BRAT1: variants seen among roughly 807,000 people sequenced by gnomAD.
The protein encoded by BRAT1 is integrator complex assembly factor BRAT1.
Under a neutral mutation model 70.6 loss-of-function variants are expected in BRAT1, and 74 were observed. That is an observed-to-expected ratio of 1.05 (90% CI 0.87 to 1.27). BRAT1 has a LOEUF of 1.27. BRAT1 is among the 50% of genes most tolerant of loss of function. The pLI is 0.00. For synonymous variants in BRAT1, 615 were observed against 517.1 expected, an observed-to-expected ratio of 1.19 and a Z score of -2.57; for missense variants, 1,203 against 1,098.2, an observed-to-expected ratio of 1.10 and a Z score of -1.35.
rs141198732 is a variant in BRAT1, at chr7:2,543,919, C to T, written c.474G>A (p.Leu158=). The change falls in exon 5 of 14, where the codon CTG becomes CTA. Residue 158 remains leucine, a synonymous_variant. Coordinates refer to ENST00000340611, the MANE Select transcript of BRAT1 (RefSeq NM_152743.4). The surrounding 1 kb of genome is among the most constrained non-coding windows in gnomAD (Gnocchi z 5.5). ...GCTGACTGGCCGCCGAGGCCACAAA[C>T]AGGCTGGAGTCTCCCTGCAGGGAGA... ...TIFSLQGDSS[L]FVASAASQLL... 4.2e-5 allele frequency: 68 copies of T among 1,604,586 alleles called. No homozygotes were observed. Among genetic ancestry groups the T allele is most frequent in the Non-Finnish European group, 5.2e-5 (61 of 1,174,166 alleles).
chr7:2,553,943 G>A (rs761963809), intron 2 of BRAT1, among the ~76,000 whole-genome samples: 2 of 151,846 alleles, frequency 1.3e-5, no homozygotes, highest in African/African-American at 2.4e-5. Flanking sequence ...CACTGCATCC[G>A]GCCCCTACTT....
In BRAT1 at chr7:2,543,251, G is replaced by A. The variant is rs113279845; in HGVS notation, c.876C>T (p.Pro292=). The A allele has an allele frequency of 3.7e-6, 6 of 1,611,226 alleles. No homozygotes were observed. The highest frequency in any genetic ancestry group is 2.2e-5 in the South Asian group (2 of 90,880). The change falls in exon 6 of 14, where the codon CCC becomes CCT. Residue 292 remains proline (P), a synonymous_variant. Coordinates refer to ENST00000340611, the MANE Select transcript of BRAT1 (RefSeq NM_152743.4). This position sits in a 1 kb window ranked among gnomAD's most constrained non-coding sequence, Gnocchi z 5.5. ...TVARALSCLG[P]THMGPLALGI... The stretch of plus-strand genomic sequence containing the variant: ...CCAAAGCCAGGGGTCCCATGTGGGT[G>A]GGACCCAGGCAGCTCAGAGCCCGCG...
In BRAT1 at chr7:2,543,239, TC is replaced by T. The variant is rs758536859; in HGVS notation, c.887del (p.Gly296AspfsTer8). 1 of 1,608,788 alleles carries T rather than the reference TC, an allele frequency of 6.2e-7. No individual in the cohort carries two copies. Among genetic ancestry groups the T allele is most frequent in the Non-Finnish European group, 8.5e-7 (1 of 1,177,768 alleles). On this transcript the variant is annotated frameshift_variant, in exon 6 of 14. Transcript: ENST00000340611. LOFTEE classifies it high-confidence loss of function. The surrounding 1 kb of genome is among the most constrained non-coding windows in gnomAD (Gnocchi z 5.5). Reference sequence around the variant, plus strand: ...GCTTCAGGATCCCCAAAGCCAGGGGTCCCATGTGGGTGGGACCCAGGCAGCT... The same window carrying T: ...GCTTCAGGATCCCCAAAGCCAGGGGTCCATGTGGGTGGGACCCAGGCAGCT... ...ALSCLGPTHM[G>X]PLALGILKLE...
chr7:2,552,409 TGCCTGGCCTTA>T (rs1780108248), intron 2 of BRAT1, among the ~76,000 whole-genome samples: 2 of 149,544 alleles, frequency 1.3e-5, no homozygotes, highest in African/African-American at 5.0e-5. Context: ...TGAACCACCG[TGCCTGGCCTTA>T]AATATATATA....
chr7:2,553,172 C>G (rs190739837), intron 2 of BRAT1, among the ~76,000 whole-genome samples: 1 of 152,080 alleles, frequency 6.6e-6, no homozygotes, highest in South Asian at 2.1e-4. Context: ...GCTGGGATTA[C>G]GGCGCATGCC....
At chr7:2,541,623 C>T in intron 8 of BRAT1, 95 bp downstream of exon 8, 1 of 1,465,712 alleles carries the variant, frequency 6.8e-7, no homozygotes, top group Non-Finnish European at 9.2e-7. Flanking sequence ...TGCAAGGGTG[C>T]TGGGGCAGCA....
At position 2,543,256 on chromosome 7, in the gene BRAT1, C is replaced by T. The variant is rs764583480; in HGVS notation, c.871G>A (p.Gly291Ser). The part of the protein sequence containing the change: ...ETVARALSCL[G>S]PTHMGPLALG... ...GCCAGGGGTCCCATGTGGGTGGGACCCAGGCAGCTCAGAGCCCGCGCCACT... is the reference window on the plus strand; with the variant it reads ...GCCAGGGGTCCCATGTGGGTGGGACTCAGGCAGCTCAGAGCCCGCGCCACT... Residue 291 changes from glycine (G) to serine (S), a missense_variant, in exon 6 of 14, where the codon GGT (glycine) becomes AGT (serine). Coordinates refer to ENST00000340611, the MANE Select transcript of BRAT1 (RefSeq NM_152743.4). This position sits in a 1 kb window ranked among gnomAD's most constrained non-coding sequence, Gnocchi z 5.5. The T allele has an allele frequency of 3.8e-5, 61 of 1,611,458 alleles. No homozygotes were observed. In the Admixed American group the frequency reaches 9.9e-4, roughly 26 times the overall value.
chr7:2,543,587 G>T lies in BRAT1; in HGVS notation c.803+3C>A. 1 of 1,511,072 alleles carries T rather than the reference G, an allele frequency of 6.6e-7. No individual in the cohort carries two copies. Among genetic ancestry groups the T allele is most frequent in the South Asian group, 1.3e-5 (1 of 75,014 alleles). 93.6% of individuals were successfully genotyped at this position (1,511,072 alleles called of 1,614,324 possible). Reference sequence around the variant, plus strand: ...CCCCCCAGCTGCGTCCCGGGGCCCTGACCGAGCCACACAGAGAAGCAGGTC... The same window carrying T: ...CCCCCCAGCTGCGTCCCGGGGCCCTTACCGAGCCACACAGAGAAGCAGGTC... On this transcript the variant is annotated splice_donor_region_variant and intron_variant, in intron 5 of 13. Coordinates refer to ENST00000340611, the MANE Select transcript of BRAT1 (RefSeq NM_152743.4). The surrounding 1 kb of genome is among the most constrained non-coding windows in gnomAD (Gnocchi z 5.5).
intron 2 of BRAT1, among the ~76,000 whole-genome samples, chr7:2,549,843 G>C (rs1197424277): frequency 6.6e-6 from 1 of 152,152 alleles, no homozygotes; most frequent in Non-Finnish European, 1.5e-5. Flanking sequence ...AACAAAATGG[G>C]CTGTAAAGCA....
chr7:2,541,969 G>T, intron 7 of BRAT1, 133 bp from the exon 8 acceptor site: 1 of 1,213,122 alleles, frequency 8.2e-7, no homozygotes, highest in Non-Finnish European at 1.2e-6. Flanking sequence ...AGGGGAGATG[G>T]CCATGTCCCC....
chr7:2,546,012 G>C (rs1779582681), intron 3 of BRAT1, among the ~76,000 whole-genome samples: 1 of 152,240 alleles, frequency 6.6e-6, no homozygotes, highest in Admixed American at 6.5e-5. Flanking sequence ...GGCACCAAGA[G>C]AAGCCGTCGT....
intron 12 of BRAT1, 67 bp downstream of exon 12, chr7:2,539,477 G>A (rs1231854729): frequency 1.3e-6 from 2 of 1,501,440 alleles, no homozygotes; most frequent in Admixed American, 4.2e-5. Context: ...AGAGGCTGCT[G>A]GTGCACCCTG....
intron 3 of BRAT1, among the ~76,000 whole-genome samples, chr7:2,547,038 G>GC (rs1205516087): frequency 1.3e-5 from 2 of 152,206 alleles, no homozygotes; most frequent in African/African-American, 2.4e-5. Context: ...AGAGATGGAG[G>GC]CTTGCGGCCG....
chr7:2,554,949 G>A (rs912088914), intron 1 of BRAT1, among the ~76,000 whole-genome samples: 2 of 152,062 alleles, frequency 1.3e-5, no homozygotes, highest in Non-Finnish European at 2.9e-5. Flanking sequence ...AGGGGAAGGG[G>A]CGCCTGTCCG....
intron 2 of BRAT1, among the ~76,000 whole-genome samples, chr7:2,550,877 C>A (rs544844599): frequency 6.6e-6 from 1 of 152,080 alleles, no homozygotes; most frequent in African/African-American, 2.4e-5. Context: ...TCATGTCAGA[C>A]GGGTCACGTA....
At chr7:2,540,931 C>T (rs1290878973) in intron 10 of BRAT1, 48 bp downstream of exon 10, 2 of 1,467,836 alleles carry the variant, frequency 1.4e-6, no homozygotes, top group African/African-American at 2.9e-5. Context: ...GTGGGTCCCA[C>T]TGCCTCTGCC....
intron 9 of BRAT1, 55 bp downstream of exon 9, chr7:2,541,243 G>A: frequency 6.6e-7 from 1 of 1,518,282 alleles, no homozygotes; most frequent in Non-Finnish European, 8.8e-7. Context: ...CGAGCAGAAA[G>A]GAGAGTGGGG....
chr7:2,554,220 G>C, intron 2 of BRAT1, 85 bp downstream of exon 2: 1 of 1,543,424 alleles, frequency 6.5e-7, no homozygotes, highest in Non-Finnish European at 8.8e-7. Flanking sequence ...CAGGACAGGG[G>C]AGTCCCCATC....
intron 2 of BRAT1, among the ~76,000 whole-genome samples, chr7:2,547,799 C>T (rs1779724626): frequency 6.6e-6 from 1 of 152,128 alleles, no homozygotes; most frequent in Admixed American, 6.6e-5. Context: ...AAGTGAAAGA[C>T]CAGGCTGGGC....
Sources: gnomAD v4.1 joint callset for allele counts (sites outside exome capture counted in the v4.1 genomes callset) on GRCh38, gnomAD v4.1.1 for gene constraint, Gnocchi (gnomAD v3.1) non-coding constraint, MANE v1.5 for transcripts, NCBI Gene and HGNC (gene_info 2026-07-23, HGNC 2026-07-21) for gene names.